Variants in VWDE observed in about 807,000 individuals in gnomAD.
VWDE encodes von Willebrand factor D and EGF domain-containing protein.
A neutral mutation model predicts 178.4 loss-of-function variants in VWDE; 207 were observed. The observed-to-expected ratio is 1.16, with a 90% CI of 1.04 to 1.30. The LOEUF is 1.30. Ranked by LOEUF, VWDE falls within the 50% of genes most tolerant of loss-of-function variation. The pLI, the probability that VWDE is intolerant of heterozygous loss-of-function variation, is 0.00. For synonymous variants in VWDE, 738 were observed against 651.4 expected (o/e 1.13, Z -2.02); for missense variants, 2,287 against 1,901.3 (o/e 1.20, Z -3.77).
At chr7:12,388,438 A>C (rs955061323) in intron 3 of VWDE, among the ~76,000 whole-genome samples, 2 of 152,174 alleles carry the variant, frequency 1.3e-5, no homozygotes, top group Non-Finnish European at 2.9e-5. Flanking sequence ...ACTCAAATGC[A>C]GCCAACAACC....
Position 12,380,610 on chromosome 7 carries a change from C to T in VWDE, c.665G>A (p.Gly222Glu). The change falls in exon 5 of 29, where the codon GGA (glycine) becomes GAA (glutamate). Residue 222 changes from glycine to glutamate, a missense_variant. Physicochemically the swap from Gly to Glu is moderately conservative, Grantham distance 98 (BLOSUM62 -2). Transcript: ENST00000275358. ...FDVPATKNSV[G>E]FHIAWSRLSS... ...AAGCCTAGACCAAGCTATGTGAAAT[C>T]CCACTGAGTTTTTTGTAGCGGGAAC... The T allele has an allele frequency of 2.6e-6, 4 of 1,552,270 alleles. No individual in the cohort carries two copies. Among genetic ancestry groups the T allele is most frequent in the Non-Finnish European group, 3.5e-6 (4 of 1,147,130 alleles).
At chr7:12,378,554 A>C (rs2128557846) in intron 6 of VWDE, among the ~76,000 whole-genome samples, 1 of 152,204 alleles carries the variant, frequency 6.6e-6, no homozygotes, top group South Asian at 2.1e-4. Flanking sequence ...ATGATTCTTA[A>C]TACTGAATAT....
intron 2 of VWDE, 32 bp from the exon 3 acceptor site, chr7:12,389,390 T>C: frequency 6.8e-7 from 1 of 1,467,282 alleles, no homozygotes; most frequent in Non-Finnish European, 9.3e-7. Context: ...AAGTTGAAAA[T>C]TCAGTTTATT....
At position 12,356,105 on chromosome 7, in the gene VWDE, T is replaced by C; in HGVS notation, c.3745+6A>G. 2.6e-6 allele frequency: 4 copies of C among 1,550,384 alleles called. No homozygotes were observed. Among genetic ancestry groups the C allele is most frequent in the Non-Finnish European group, 3.5e-6 (4 of 1,146,596 alleles). ...TTCTAATTTGTTATGAGGAGCAAAA[T>C]CTTACCTTTGAGCTCAGGTGGACAA... is the stretch of plus-strand genomic sequence containing the variant. On this transcript the variant is annotated splice_donor_region_variant and intron_variant, in intron 18 of 28. Coordinates refer to ENST00000275358, the MANE Select transcript of VWDE (RefSeq NM_001135924.3).
intron 19 of VWDE, among the ~76,000 whole-genome samples, chr7:12,351,280 T>G (rs1245450806): frequency 6.6e-6 from 1 of 152,162 alleles, no homozygotes; most frequent in African/African-American, 2.4e-5. Flanking sequence ...ATGACCAGTT[T>G]CCAGGGATTT....
intron 3 of VWDE, among the ~76,000 whole-genome samples, chr7:12,384,387 G>A (rs148628938): frequency 7.9e-5 from 12 of 152,134 alleles, no homozygotes; most frequent in African/African-American, 2.9e-4. Flanking sequence ...AATTTTTAGG[G>A]TAGTGAAACT....
chr7:12,353,730 A>T (rs1782068526), intron 18 of VWDE: 1 of 152,152 alleles, frequency 6.6e-6, no homozygotes, highest in Non-Finnish European at 1.5e-5. Context: ...AAACTATCTC[A>T]CATGTAAACT....
Position 12,373,142 on chromosome 7 carries a change from T to G in VWDE, c.1422A>C (p.Pro474=). ...CAACAAACCCACAATTACATGACACTGGATAGTGAAGGCTTCTGCAGTCCC... is the reference window on the plus strand; with the variant it reads ...CAACAAACCCACAATTACATGACACGGGATAGTGAAGGCTTCTGCAGTCCC... ...RQWDCRSLHY[P]VSCNCGFVAQ... is the part of the protein sequence containing the mutation. Residue 474 remains proline (P), a synonymous_variant, in exon 10 of 29, where the codon CCA becomes CCC. Transcript: ENST00000275358. 6.4e-7 allele frequency: 1 copy of G among 1,551,378 alleles called. No individual in the cohort carries two copies. Among genetic ancestry groups the G allele is most frequent in the Non-Finnish European group, 8.7e-7 (1 of 1,146,804 alleles).
At chr7:12,380,310 T>G (rs1437787059) in intron 5 of VWDE, among the ~76,000 whole-genome samples, 176 bp downstream of exon 5, 3 of 151,250 alleles carry the variant, frequency 2.0e-5, no homozygotes, top group Non-Finnish European at 4.4e-5. Flanking sequence ...CTAAGATCAC[T>G]GACTCCTCCA....
At chr7:12,386,492 C>T (rs372440286) in intron 3 of VWDE, among the ~76,000 whole-genome samples, 14 of 152,192 alleles carry the variant, frequency 9.2e-5, no homozygotes, top group Non-Finnish European at 1.8e-4. Context: ...TCAGGCCTTG[C>T]GCTTTCAAAC....
Position 12,333,560 on chromosome 7 carries a change from T to A in VWDE, c.4663A>T (p.Asn1555Tyr), listed in dbSNP as rs758427149. ...CTGCCTCCATAAAGACATTTTGGGT[T>A]GCAAATTGCTGCAATACACAAATTT... ...EGVRCQIPICNPKCLYGGRCI... is the reference protein window; with the variant it reads ...EGVRCQIPICYPKCLYGGRCI... Residue 1555 changes from asparagine to tyrosine, a missense_variant, in exon 28 of 29, where the codon AAC becomes TAC. Asn to Tyr is a moderately radical substitution (Grantham distance 143). Coordinates refer to ENST00000275358, the MANE Select transcript of VWDE (RefSeq NM_001135924.3). 3.2e-6 allele frequency: 5 copies of A among 1,549,136 alleles called. No homozygotes were observed. The African/African-American group carries it at 5.5e-5, about 17-fold the overall frequency.
intron 19 of VWDE, among the ~76,000 whole-genome samples, chr7:12,350,048 A>G (rs1583288674): frequency 6.6e-6 from 1 of 152,040 alleles, no homozygotes; most frequent in East Asian, 1.9e-4. Flanking sequence ...CTAATGAAAA[A>G]TTTTACCAAA....
rs1200620751 is a variant in VWDE at position 12,369,897 on chromosome 7, C to T, written c.2409G>A (p.Glu803=). ...CCTGACAGAGGGTCAAGGTGCTATA[C>T]TCGGTGAGGCCAGAGGGAGTGGGCC... ...PSWPTPSGLT[E]YSTLTLCQET... is the part of the protein sequence containing the mutation. Residue 803 remains glutamate (E), a synonymous_variant, in exon 12 of 29, where the codon GAG becomes GAA. Transcript: ENST00000275358. 3 of 1,551,454 alleles carry T rather than the reference C, an allele frequency of 1.9e-6. No homozygotes were observed. Among genetic ancestry groups the T allele is most frequent in the East Asian group, 2.4e-5 (1 of 40,894 alleles).
intron 13 of VWDE, among the ~76,000 whole-genome samples, chr7:12,367,022 T>C (rs1012053256): frequency 2.6e-5 from 4 of 152,116 alleles, no homozygotes; most frequent in Non-Finnish European, 4.4e-5. Context: ...ATCCAGTTGA[T>C]GCAAGATGTC....
At chr7:12,392,631 A>G (rs968654856) in intron 2 of VWDE, among the ~76,000 whole-genome samples, 1 of 152,170 alleles carries the variant, frequency 6.6e-6, no homozygotes, top group Non-Finnish European at 1.5e-5. Context: ...AACCCAAGAA[A>G]TCACACTTTA....
At chr7:12,333,683 T>G in intron 27 of VWDE, 115 bp from the exon 28 acceptor site, 2 of 679,048 alleles carry the variant, frequency 2.9e-6, no homozygotes, top group Non-Finnish European at 5.3e-6. Flanking sequence ...GTCATAAGAA[T>G]CTATTAATGA....
chr7:12,369,528 T>C lies in VWDE; in HGVS notation c.2761+17A>G. ...AAATATCACATGCAATATCAAACTT[T>C]GAGAGTACTTACTTACCATAGGAAT... On this transcript the variant is annotated intron_variant, in intron 12 of 28. Transcript: ENST00000275358. The C allele has an allele frequency of 6.7e-7, 1 of 1,496,490 alleles. No individual in the cohort carries two copies. Among genetic ancestry groups the C allele is most frequent in the Non-Finnish European group, 8.9e-7 (1 of 1,117,880 alleles). The allele number at this position is 1,496,490 out of a possible 1,614,324, so 92.7% of individuals were successfully genotyped here.
In VWDE at chr7:12,379,472, C is replaced by T; in HGVS notation, c.879+5G>A. On this transcript the variant is annotated splice_donor_5th_base_variant and intron_variant, in intron 6 of 28. Coordinates refer to ENST00000275358, the MANE Select transcript of VWDE (RefSeq NM_001135924.3). ...TCTTTCTGATGCATCCCCACTGCTG[C>T]GTACCTTAAAGCCTGCAAAAAATTC... is the stretch of plus-strand genomic sequence containing the variant. 2.6e-6 allele frequency: 4 copies of T among 1,542,922 alleles called. No homozygotes were observed. Among genetic ancestry groups the T allele is most frequent in the South Asian group, 1.2e-5 (1 of 83,336 alleles).
Position 12,393,652 on chromosome 7 carries a change from C to A in VWDE, c.185G>T (p.Gly62Val), listed in dbSNP as rs1183189409. The change falls in exon 2 of 29, where the codon GGA becomes GTA. Residue 62 changes from glycine to valine, a missense_variant. Gly to Val is a moderately radical substitution (Grantham distance 109). Coordinates refer to ENST00000275358, the MANE Select transcript of VWDE (RefSeq NM_001135924.3). ...DLICDHSLSP[G>V]WYRFLILDRP... ...GTCAAGGATGAGAAATCTATACCAT[C>A]CAGGGGAGAGGGAATGGTCACATAT... 3.2e-6 allele frequency: 5 copies of A among 1,551,070 alleles called. No individual in the cohort carries two copies. In the Admixed American group the frequency reaches 9.8e-5, roughly 30 times the overall value.
Sources: allele counts gnomAD v4.1 joint callset (sites outside exome capture counted in the v4.1 genomes callset), GRCh38; gene constraint gnomAD v4.1.1; transcripts MANE v1.5; gene names NCBI Gene and HGNC (gene_info 2026-07-23, HGNC 2026-07-21).